Variants in MYO3B observed in about 807,000 individuals in gnomAD.
The protein encoded by MYO3B is myosin IIIB.
In MYO3B, 156 loss-of-function variants were observed where a neutral mutation model predicts 174.6. The ratio of observed to expected loss-of-function variants is 0.89; its 90% CI spans 0.78 to 1.02. MYO3B has a LOEUF of 1.02. Ranked by LOEUF, MYO3B falls within the 50% of genes least tolerant of loss-of-function variation. MYO3B has a pLI of 0.00. For missense variants in MYO3B, 1,632 were observed against 1,639.4 expected (o/e 1.00, Z 0.08); for synonymous variants, 563 against 569.1 (o/e 0.99, Z 0.15).
chr2:170,212,320 C>T (rs2092780535), intron 3 of MYO3B, among the ~76,000 whole-genome samples: 1 of 151,390 alleles, frequency 6.6e-6, no homozygotes, highest in African/African-American at 2.4e-5. Context: ...GGGAGAGAAA[C>T]TTGGGAGCTG....
intron 32 of MYO3B, among the ~76,000 whole-genome samples, chr2:170,627,485 G>T (rs559987941): frequency 3.3e-5 from 5 of 152,060 alleles, no homozygotes; most frequent in African/African-American, 1.2e-4. Context: ...ACTTCTTTGC[G>T]ATGGGTTCGA....
Position 170,542,800 on chromosome 2 carries a change from A to T in MYO3B, c.3576-106A>T, listed in dbSNP as rs142762164. ...GACTGAAATGGGAAACCATGGAAGCATAAAAAGTATGTTTTGATATATCTT... is the reference window on the plus strand; with the variant it reads ...GACTGAAATGGGAAACCATGGAAGCTTAAAAAGTATGTTTTGATATATCTT... On this transcript the variant is annotated intron_variant, in intron 30 of 34. Transcript: ENST00000408978. The T allele has an allele frequency of 4.2e-4, 367 of 868,862 alleles. 2 individuals are homozygous for T. The African/African-American group carries it at 5.1e-3, about 12-fold the overall frequency. The allele number at this position is 868,862 out of a possible 1,614,324, so 53.8% of individuals were successfully genotyped here.
At chr2:170,208,646 A>G (rs2092739661) in intron 3 of MYO3B, among the ~76,000 whole-genome samples, 1 of 152,234 alleles carries the variant, frequency 6.6e-6, no homozygotes, top group Non-Finnish European at 1.5e-5. Flanking sequence ...CAAAAACTTA[A>G]AAACAACTAA....
chr2:170,200,952 G>A (rs933989550), intron 3 of MYO3B, among the ~76,000 whole-genome samples: 1 of 152,198 alleles, frequency 6.6e-6, no homozygotes, highest in African/African-American at 2.4e-5. Flanking sequence ...GACTTTGGGG[G>A]AGTCAGTTCT....
At chr2:170,283,530 T>C (rs1302570719) in intron 7 of MYO3B, among the ~76,000 whole-genome samples, 1 of 152,214 alleles carries the variant, frequency 6.6e-6, no homozygotes. Context: ...TTTATGATGC[T>C]CTTTCCTGTT....
chr2:170,492,063 A>G (rs1427970477), intron 25 of MYO3B, among the ~76,000 whole-genome samples: 2 of 152,122 alleles, frequency 1.3e-5, no homozygotes, highest in African/African-American at 4.8e-5. Flanking sequence ...CAAAAAAAAA[A>G]AAAAAAGATT....
At chr2:170,444,718 A>T (rs900182730) in intron 23 of MYO3B, among the ~76,000 whole-genome samples, 3 of 152,226 alleles carry the variant, frequency 2.0e-5, no homozygotes, top group African/African-American at 7.2e-5. Context: ...ACATATTTAT[A>T]TTTACTTTTC....
chr2:170,363,775 C>T (rs904446755), intron 8 of MYO3B, among the ~76,000 whole-genome samples: 1 of 152,136 alleles, frequency 6.6e-6, no homozygotes, highest in African/African-American at 2.4e-5. Flanking sequence ...ATATTCAAAA[C>T]CACCCATCAT....
At chr2:170,537,592 G>T in intron 30 of MYO3B, among the ~76,000 whole-genome samples, 1 of 150,418 alleles carries the variant, frequency 6.6e-6, no homozygotes, top group African/African-American at 2.5e-5. Context: ...GACTACAAGG[G>T]CATGCCACCC....
At chr2:170,503,411 T>C (rs965055580) in intron 28 of MYO3B, among the ~76,000 whole-genome samples, 3 of 152,088 alleles carry the variant, frequency 2.0e-5, no homozygotes, top group Non-Finnish European at 4.4e-5. Context: ...GGAAGGATAA[T>C]GTTGCTCAGC....
intron 8 of MYO3B, among the ~76,000 whole-genome samples, chr2:170,347,438 C>A (rs953624643): frequency 1.3e-5 from 2 of 152,026 alleles, no homozygotes; most frequent in African/African-American, 2.4e-5. Context: ...CCCATCTCTG[C>A]TGAAAATACA....
intron 30 of MYO3B, among the ~76,000 whole-genome samples, chr2:170,522,164 C>A (rs1688708199): frequency 6.6e-6 from 1 of 152,210 alleles, no homozygotes; most frequent in Admixed American, 6.5e-5. Flanking sequence ...CCATCTCTCA[C>A]CAGTGTGTTC....
intron 6 of MYO3B, among the ~76,000 whole-genome samples, chr2:170,218,117 T>C (rs2092850775): frequency 6.6e-6 from 1 of 152,192 alleles, no homozygotes; most frequent in South Asian, 2.1e-4. Flanking sequence ...TGTCTTTCCA[T>C]CTCTGCATGA....
At chr2:170,558,443 G>C (rs1342637801) in intron 32 of MYO3B, among the ~76,000 whole-genome samples, 1 of 151,990 alleles carries the variant, frequency 6.6e-6, no homozygotes, top group Non-Finnish European at 1.5e-5. Flanking sequence ...TCAGGATTAT[G>C]ACTCTCTTCC....
At chr2:170,351,335 G>T (rs752472288) in intron 8 of MYO3B, among the ~76,000 whole-genome samples, 1 of 152,106 alleles carries the variant, frequency 6.6e-6, no homozygotes, top group Non-Finnish European at 1.5e-5. Flanking sequence ...TAGGGGAGAG[G>T]TTATGTGATC....
chr2:170,600,130 G>GTT (rs772057303), intron 32 of MYO3B, among the ~76,000 whole-genome samples: 1 of 128,624 alleles, frequency 7.8e-6, no homozygotes, highest in Non-Finnish European at 1.5e-5. Flanking sequence ...CCTTGTTGTT[G>GTT]TTGTTTTTTT....
chr2:170,208,051 C>T (rs141809247), intron 3 of MYO3B, among the ~76,000 whole-genome samples: 3 of 152,252 alleles, frequency 2.0e-5, no homozygotes, highest in Non-Finnish European at 2.9e-5. Flanking sequence ...ATTTATGCCA[C>T]GGGTAGTATC....
chr2:170,425,635 C>T (rs1254028949), intron 22 of MYO3B, among the ~76,000 whole-genome samples: 3 of 152,184 alleles, frequency 2.0e-5, no homozygotes, highest in African/African-American at 7.2e-5. Flanking sequence ...AATCACTGTT[C>T]AGTTGACCTA....
In MYO3B at chr2:170,416,930, A is replaced by G. The variant is rs1371242189; in HGVS notation, c.2650+9086A>G. Among the ~76,000 whole-genome samples the G allele has an allele frequency of 2.0e-5, 3 of 150,296 alleles. No individual in the cohort carries two copies. The East Asian group carries it at 6.0e-4, about 30-fold the overall frequency. On this transcript the variant is annotated intron_variant, in intron 22 of 34. Transcript: ENST00000408978. ...AACCTCTGCCTCCCGGGTTCAAGCA[A>G]TTCTCCTGCCTCAGCCTCCCGAGTA...
Sources: allele counts gnomAD v4.1 joint callset (sites outside exome capture counted in the v4.1 genomes callset), GRCh38; gene constraint gnomAD v4.1.1; transcripts MANE v1.5; gene names NCBI Gene and HGNC (gene_info 2026-07-23, HGNC 2026-07-21).